The following NLGN4X variants were observed in gnomAD, a reference collection of about 807,000 sequenced individuals.
NLGN4X encodes the protein neuroligin 4 X-linked.
In NLGN4X, 3 loss-of-function variants were observed where a neutral mutation model predicts 40.3. That is an observed-to-expected ratio of 0.07 (90% CI 0.03 to 0.19). NLGN4X has a LOEUF of 0.19. Among genes scored for constraint, NLGN4X ranks in the 10% least tolerant of loss-of-function variants. The pLI, the probability that NLGN4X is intolerant of heterozygous loss-of-function variation, is 1.00. For missense variants in NLGN4X, 382 were observed against 708.3 expected, an observed-to-expected ratio of 0.54 and a Z score of 5.23; for synonymous variants, 270 against 306.8, an observed-to-expected ratio of 0.88 and a Z score of 1.25.
intron 3 of NLGN4X, among the ~76,000 whole-genome samples, chrX:5,950,273 A>G (rs1161502055): frequency 2.7e-5 from 3 of 112,403 alleles, no homozygotes; most frequent in Admixed American, 9.4e-5. Flanking sequence ...TTGTAAGTGT[A>G]AAATGTACTC....
intron 1 of NLGN4X, among the ~76,000 whole-genome samples, chrX:6,176,743 G>A (rs1403492520): frequency 8.9e-6 from 1 of 111,981 alleles, no homozygotes; most frequent in Non-Finnish European, 1.9e-5. Context: ...CTCTCCTAGA[G>A]CCTCCAAAAA....
At chrX:6,112,829 G>A (rs1429146115) in intron 2 of NLGN4X, among the ~76,000 whole-genome samples, 1 of 110,281 alleles carries the variant, frequency 9.1e-6, no homozygotes, top group African/African-American at 3.3e-5. Flanking sequence ...GCAGGAGGAC[G>A]AACGTGATAC....
intron 2 of NLGN4X, among the ~76,000 whole-genome samples, chrX:6,113,452 G>C (rs113181845): frequency 9.0e-6 from 1 of 110,718 alleles, no homozygotes; most frequent in African/African-American, 3.3e-5. Flanking sequence ...TAGTAAAAAA[G>C]AAAAATCTAA....
intron 2 of NLGN4X, among the ~76,000 whole-genome samples, chrX:6,072,332 C>T (rs2038084483): frequency 1.8e-5 from 2 of 111,282 alleles, no homozygotes; most frequent in African/African-American, 6.5e-5. Context: ...TTCTTAGCTG[C>T]CATCGTGAGG....
At chrX:6,068,676 G>A (rs1321282413) in intron 2 of NLGN4X, among the ~76,000 whole-genome samples, 1 of 111,952 alleles carries the variant, frequency 8.9e-6, no homozygotes, top group African/African-American at 3.2e-5. Flanking sequence ...TCTATAAAGG[G>A]TTTTGGGTCA....
chrX:6,024,616 C>T (rs2036639457), intron 3 of NLGN4X, among the ~76,000 whole-genome samples: 1 of 110,986 alleles, frequency 9.0e-6, no homozygotes, highest in Non-Finnish European at 1.9e-5. Context: ...ACCAAGATGG[C>T]AACTAGAGTG....
chrX:6,116,290 C>CAAAAAAAAAAAAAA (rs758019203), intron 2 of NLGN4X, among the ~76,000 whole-genome samples: 2 of 16,165 alleles, frequency 1.2e-4, no homozygotes, highest in African/African-American at 2.4e-4. Flanking sequence ...GAGACTCTGT[C>CAAAAAAAAAAAAAA]AAAAAAAAAA....
intron 3 of NLGN4X, among the ~76,000 whole-genome samples, chrX:5,917,420 G>T (rs1310957234): frequency 8.9e-6 from 1 of 112,581 alleles, no homozygotes; most frequent in Admixed American, 9.4e-5. Context: ...GTTACAGAAC[G>T]TATCACTTTA....
At chrX:6,140,964 T>C (rs150108801) in intron 2 of NLGN4X, among the ~76,000 whole-genome samples, 1 of 111,756 alleles carries the variant, frequency 8.9e-6, no homozygotes, top group Non-Finnish European at 1.9e-5. Flanking sequence ...GTCTCATCTT[T>C]GCTTTATTTT....
intron 3 of NLGN4X, among the ~76,000 whole-genome samples, chrX:5,975,343 ACATGTACCTGTAATCCTAG>A (rs1451625237): frequency 1.8e-5 from 2 of 111,278 alleles, no homozygotes; most frequent in Non-Finnish European, 3.8e-5. Context: ...GGGCGTGGTG[ACATGTACCTGTAATCCTAG>A]CACTTTGGGA....
At chrX:6,182,424 G>A (rs1006039530) in intron 1 of NLGN4X, among the ~76,000 whole-genome samples, 3 of 111,242 alleles carry the variant, frequency 2.7e-5, no homozygotes, top group Non-Finnish European at 3.8e-5. Flanking sequence ...TCCCAGGAAA[G>A]GTATCAAGAG....
In NLGN4X at chrX:6,179,523, A is replaced by G. The variant is rs1227557672; in HGVS notation, c.-305-27752T>C. ...TAAAATTTAGAATAGTGCTACTTAT[A>G]TAATTTTGATGGAATTCCTAAGAGG... On this transcript the variant is annotated intron_variant, in intron 1 of 5. Coordinates refer to ENST00000381095, the MANE Select transcript of NLGN4X (RefSeq NM_181332.3). Among the ~76,000 whole-genome samples the G allele has an allele frequency of 5.4e-5, 6 of 111,944 alleles. No individual in the cohort carries two copies. In the East Asian group the frequency reaches 1.7e-3, roughly 32 times the overall value.
At chrX:6,043,055 G>A (rs2037217281) in intron 2 of NLGN4X, among the ~76,000 whole-genome samples, 2 of 105,877 alleles carry the variant, frequency 1.9e-5, no homozygotes, top group Admixed American at 1.0e-4. Context: ...TAGCCTGCAC[G>A]ACAGAGTGAG....
At position 6,094,868 on chromosome X, in the gene NLGN4X, C is replaced by T. The variant is rs1333574081; in HGVS notation, c.472+56127G>A. Among the ~76,000 whole-genome samples, 4 of 110,749 alleles carry T rather than the reference C, an allele frequency of 3.6e-5. No individual in the cohort carries two copies. In the East Asian group the frequency reaches 8.6e-4, roughly 24 times the overall value. On this transcript the variant is annotated intron_variant, in intron 2 of 5. Coordinates refer to ENST00000381095, the MANE Select transcript of NLGN4X (RefSeq NM_181332.3). ...ATTGAAGCATGAAGGGAAGTAGAGA[C>T]ATGAAGTATGAAATTGCCAAGTCAG...
Position 6,068,188 on chromosome X carries a change from A to G in NLGN4X, c.473-38756T>C, listed in dbSNP as rs191325594. Among the ~76,000 whole-genome samples, 7 of 111,821 alleles carry G rather than the reference A, an allele frequency of 6.3e-5. No homozygotes were observed. In the East Asian group the frequency reaches 1.7e-3, roughly 27 times the overall value. On this transcript the variant is annotated intron_variant, in intron 2 of 5. Coordinates refer to ENST00000381095, the MANE Select transcript of NLGN4X (RefSeq NM_181332.3). ...TGATTTTACCAGACAAGAAGACCAA[A>G]GAAAATTGTTTACAGCTTAGTGATT...
chrX:5,959,561 G>A (rs1280070675), intron 3 of NLGN4X, among the ~76,000 whole-genome samples: 1 of 111,373 alleles, frequency 9.0e-6, no homozygotes, highest in African/African-American at 3.3e-5. Context: ...TGCAGGTCTA[G>A]CAAACCACTC....
intron 3 of NLGN4X, among the ~76,000 whole-genome samples, chrX:5,932,155 C>CCCTCCA (rs2146869189): frequency 9.0e-6 from 1 of 111,514 alleles, no homozygotes; most frequent in South Asian, 3.8e-4. Context: ...CTCCACACCC[C>CCCTCCA]CAGGAATGAA....
intron 3 of NLGN4X, among the ~76,000 whole-genome samples, chrX:5,914,365 A>G (rs2032665037): frequency 9.0e-6 from 1 of 111,432 alleles, no homozygotes; most frequent in Admixed American, 9.6e-5. Context: ...ATGCACTGCA[A>G]GTAAATGGTA....
At chrX:6,100,846 A>AAT (rs1207071362) in intron 2 of NLGN4X, among the ~76,000 whole-genome samples, 2 of 111,706 alleles carry the variant, frequency 1.8e-5, no homozygotes, top group Non-Finnish European at 3.8e-5. Flanking sequence ...TAAGCAGATA[A>AAT]ATATATATAC....
Sources: gnomAD v4.1 joint callset for allele counts (sites outside exome capture counted in the v4.1 genomes callset) on GRCh38, gnomAD v4.1.1 for gene constraint, MANE v1.5 for transcripts, NCBI Gene and HGNC (gene_info 2026-07-23, HGNC 2026-07-21) for gene names.